Variants in RAB9B observed in about 807,000 individuals in gnomAD.
The protein encoded by RAB9B is ras-related protein Rab-9B.
RAB9B carries 1 observed loss-of-function variant against 8.9 expected under a neutral mutation model. That is an observed-to-expected ratio of 0.11 (90% CI 0.04 to 0.53). RAB9B has a LOEUF of 0.53. RAB9B is among the 20% of genes least tolerant of loss of function. RAB9B has a pLI of 0.93. For synonymous variants in RAB9B, 63 were observed against 57.0 expected (o/e 1.10, Z -0.47); for missense variants, 82 against 152.9 (o/e 0.54, Z 2.45).
the RAB9B span, chrX:103,790,980 G>A: frequency 4.4e-6 from 1 of 226,567 alleles, no homozygotes; most frequent in Non-Finnish European, 7.9e-6. Flanking sequence ...AAGATGCTCA[G>A]GTACAGAGAA....
intron 1 of RAB9B, among the ~76,000 whole-genome samples, chrX:103,830,485 C>G (rs1433867978): frequency 2.7e-5 from 3 of 112,017 alleles, no homozygotes; most frequent in Non-Finnish European, 5.6e-5. Flanking sequence ...AACGCTTATT[C>G]TGATTTTGAT....
chrX:103,813,952 C>T, the RAB9B span, among the ~76,000 whole-genome samples: 3 of 109,824 alleles, frequency 2.7e-5, no homozygotes, highest in South Asian at 1.2e-3. Flanking sequence ...TCTAAGTGAC[C>T]TACAAAGATA....
chrX:103,788,555 C>A, the RAB9B span: 1 of 955,770 alleles, frequency 1.0e-6, no homozygotes, highest in Non-Finnish European at 1.5e-6. Flanking sequence ...TAGCTAATAC[C>A]ATACAAATTA....
At chrX:103,817,472 T>G (rs138225347), downstream of RAB9B, among the ~76,000 whole-genome samples, 1,311 of 110,207 alleles carry the variant, frequency 0.012, 25 homozygotes, top group African/African-American at 0.042. Context: ...GAGAACTACC[T>G]AATGTAGGTG....
At chrX:103,811,978 T>TG in the RAB9B span, among the ~76,000 whole-genome samples, 1 of 108,235 alleles carries the variant, frequency 9.2e-6, no homozygotes, top group Non-Finnish European at 1.9e-5. Flanking sequence ...AGGTCTCCTC[T>TG]CTTTCTCTCT....
At chrX:103,795,870 G>A in the RAB9B span, among the ~76,000 whole-genome samples, 1 of 111,519 alleles carries the variant, frequency 9.0e-6, no homozygotes, top group Non-Finnish European at 1.9e-5. Flanking sequence ...ATACATATCA[G>A]CTTTCCTAAA....
downstream of RAB9B, among the ~76,000 whole-genome samples, chrX:103,817,990 A>G (rs2074646263): frequency 9.0e-6 from 1 of 111,576 alleles, no homozygotes; most frequent in African/African-American, 3.3e-5. Context: ...CCTTTTCTAT[A>G]ATATGGCAGT....
chrX:103,831,291 C>T (rs928590177), intron 1 of RAB9B, among the ~76,000 whole-genome samples: 8 of 108,713 alleles, frequency 7.4e-5, no homozygotes, highest in African/African-American at 2.7e-4. Flanking sequence ...CTTCGTAGCG[C>T]GGAAACCCTC....
chrX:103,790,484 T>C, the RAB9B span: 99 of 982,238 alleles, frequency 1.0e-4, 1 homozygote, highest in South Asian at 1.7e-3. Context: ...GGGAGTGCTT[T>C]CTTTTCTACT....
At chrX:103,789,256 A>G in the RAB9B span, 1 of 733,260 alleles carries the variant, frequency 1.4e-6, no homozygotes, top group Non-Finnish European at 2.2e-6. Flanking sequence ...ACATTCAGAA[A>G]GCTGTATTCA....
the RAB9B span, among the ~76,000 whole-genome samples, chrX:103,779,381 G>C: frequency 8.9e-6 from 1 of 112,130 alleles, no homozygotes; most frequent in Admixed American, 9.5e-5. Flanking sequence ...CAGGCAAAAA[G>C]TGTGGCGGCA....
rs761903908 is a variant in RAB9B at position 103,827,751 on chromosome X, C to T, written c.-116-673G>A. 1.1e-3 allele frequency among the ~76,000 whole-genome samples: 121 copies of T among 111,828 alleles called. 1 individual carries two copies. The highest frequency in any genetic ancestry group is 3.7e-3 in the African/African-American group (114 of 30,770). On this transcript the variant is annotated intron_variant, in intron 1 of 2. Coordinates refer to ENST00000243298, the MANE Select transcript of RAB9B (RefSeq NM_016370.4). Reference sequence around the variant, plus strand: ...GTGCAGTCATGGCTCACTGCAGCCTCGACCTCCTGGGCTCAAGTAATCTTC... The same window carrying T: ...GTGCAGTCATGGCTCACTGCAGCCTTGACCTCCTGGGCTCAAGTAATCTTC...
At chrX:103,786,903 A>G in the RAB9B span, 1 of 499,526 alleles carries the variant, frequency 2.0e-6, no homozygotes, top group Non-Finnish European at 3.5e-6. Flanking sequence ...CAGCTGGCTT[A>G]GCCTCACCTT....
chrX:103,807,647 G>A, the RAB9B span, among the ~76,000 whole-genome samples: 13 of 112,317 alleles, frequency 1.2e-4, no homozygotes, highest in Non-Finnish European at 2.4e-4. Flanking sequence ...CTGGTTGGGA[G>A]TGACCTACTC....
chrX:103,803,657 C>T, the RAB9B span, among the ~76,000 whole-genome samples: 1 of 112,831 alleles, frequency 8.9e-6, no homozygotes, highest in Non-Finnish European at 1.9e-5. Context: ...CAGCTCACTG[C>T]AGCCTCCGAC....
chrX:103,814,405 A>G, the RAB9B span, among the ~76,000 whole-genome samples: 3 of 112,013 alleles, frequency 2.7e-5, no homozygotes, highest in Non-Finnish European at 1.9e-5. Flanking sequence ...CAAAGGCACA[A>G]CATACCAGAA....
the RAB9B span, among the ~76,000 whole-genome samples, chrX:103,816,982 G>A: frequency 8.9e-6 from 1 of 112,350 alleles, no homozygotes; most frequent in African/African-American, 3.2e-5. Context: ...ACTGTTGGTG[G>A]GAGTATAAAT....
chrX:103,827,231 C>T (rs2074686788), intron 1 of RAB9B, among the ~76,000 whole-genome samples, 153 bp from the exon 2 acceptor site: 1 of 110,146 alleles, frequency 9.1e-6, no homozygotes, highest in Non-Finnish European at 1.9e-5. Context: ...AATAAAAGTT[C>T]AAAATGCTAC....
At chrX:103,793,097 G>A in the RAB9B span, among the ~76,000 whole-genome samples, 4 of 112,041 alleles carry the variant, frequency 3.6e-5, no homozygotes, top group Middle Eastern at 4.2e-3. Flanking sequence ...GGATAGTACT[G>A]GATGGAAGGT....
Sources: gnomAD v4.1 joint callset for allele counts (sites outside exome capture counted in the v4.1 genomes callset) on GRCh38, gnomAD v4.1.1 for gene constraint, MANE v1.5 for transcripts, NCBI Gene and HGNC (gene_info 2026-07-23, HGNC 2026-07-21) for gene names.